Variants in GIGYF2 observed in about 807,000 individuals in gnomAD.
GIGYF2 encodes the protein GRB10 interacting GYF protein 2, also known as GRB10-interacting GYF protein 2.
GIGYF2 carries 25 observed loss-of-function variants against 208.1 expected under a neutral mutation model. That is an observed-to-expected ratio of 0.12 (90% CI 0.09 to 0.17). GIGYF2 has a LOEUF of 0.17. Among genes scored for constraint, GIGYF2 ranks in the 10% least tolerant of loss-of-function variants. The probability of loss-of-function intolerance (pLI) is 1.00; values close to 1 mark genes in which losing one functional copy is unlikely to be tolerated. For synonymous variants in GIGYF2, 534 were observed against 543.8 expected (o/e 0.98, Z 0.25); for missense variants, 1,302 against 1,579.4 (o/e 0.82, Z 2.98).
At chr2:232,811,386 G>A (rs368178278) in intron 17 of GIGYF2, 35 bp downstream of exon 17, 7 of 1,174,812 alleles carry the variant, frequency 6.0e-6, no homozygotes, top group Non-Finnish European at 2.6e-6. Context: ...CATATGGGGT[G>A]CATGTGTTGT....
chr2:232,726,653 G>T (rs1270669963), intron 2 of GIGYF2, among the ~76,000 whole-genome samples: 1 of 152,026 alleles, frequency 6.6e-6, no homozygotes, highest in African/African-American at 2.4e-5. Context: ...TAGCTTTTGA[G>T]GATTTGAGAT....
intron 21 of GIGYF2, among the ~76,000 whole-genome samples, chr2:232,831,087 A>T (rs1323269271): frequency 6.6e-6 from 1 of 152,186 alleles, no homozygotes; most frequent in East Asian, 1.9e-4. Flanking sequence ...CATCAAATCA[A>T]GGGGTACACG....
chr2:232,819,760 A>G (rs552471728), intron 20 of GIGYF2, 67 bp from the exon 21 acceptor site: 69 of 844,218 alleles, frequency 8.2e-5, no homozygotes, highest in Non-Finnish European at 1.4e-4. Context: ...TCCAAATATG[A>G]CATAATAAAT....
chr2:232,782,059 A>G (rs1206477512), intron 8 of GIGYF2, among the ~76,000 whole-genome samples: 1 of 152,208 alleles, frequency 6.6e-6, no homozygotes, highest in Non-Finnish European at 1.5e-5. Context: ...CCTGGGGATC[A>G]GGTGCTATGT....
chr2:232,728,289 G>C (rs183137092), intron 2 of GIGYF2, among the ~76,000 whole-genome samples: 3 of 152,322 alleles, frequency 2.0e-5, no homozygotes, highest in African/African-American at 7.2e-5. Flanking sequence ...TACATAGTAG[G>C]TTCGATTGGA....
At chr2:232,719,461 A>G (rs1167658464) in intron 2 of GIGYF2, among the ~76,000 whole-genome samples, 1 of 152,148 alleles carries the variant, frequency 6.6e-6, no homozygotes, top group East Asian at 1.9e-4. Context: ...ATGGTAGGCT[A>G]AGAGGGAGAG....
At chr2:232,748,901 A>C (rs1574834024) in intron 4 of GIGYF2, 86 bp from the exon 5 acceptor site, 2 of 774,652 alleles carry the variant, frequency 2.6e-6, no homozygotes, top group Admixed American at 1.7e-5. Flanking sequence ...TAAATAGAAG[A>C]GTATTCTTTC....
At chr2:232,720,735 C>T (rs1696906547) in intron 2 of GIGYF2, among the ~76,000 whole-genome samples, 1 of 152,110 alleles carries the variant, frequency 6.6e-6, no homozygotes, top group South Asian at 2.1e-4. Context: ...GCTGGGATTA[C>T]AGGCATGAAC....
At chr2:232,784,104 A>G (rs151188080) in intron 8 of GIGYF2, among the ~76,000 whole-genome samples, 2 of 152,202 alleles carry the variant, frequency 1.3e-5, no homozygotes, top group Admixed American at 6.5e-5. Context: ...AATTAAATGG[A>G]TAGGATTTTC....
chr2:232,726,140 C>T (rs913608513), intron 2 of GIGYF2, among the ~76,000 whole-genome samples: 5 of 152,118 alleles, frequency 3.3e-5, no homozygotes, highest in East Asian at 1.9e-4. Flanking sequence ...GAAGCCAAGG[C>T]GGGTGGATCA....
At chr2:232,836,263 CAT>C (rs1156576756) in intron 22 of GIGYF2, among the ~76,000 whole-genome samples, 1 of 38,626 alleles carries the variant, frequency 2.6e-5, no homozygotes, top group Non-Finnish European at 4.8e-5. Flanking sequence ...CCCATCTCTA[CAT>C]ATATATATAT....
intron 8 of GIGYF2, among the ~76,000 whole-genome samples, chr2:232,781,206 G>T (rs1699707198): frequency 6.6e-6 from 1 of 151,620 alleles, no homozygotes; most frequent in African/African-American, 2.4e-5. Flanking sequence ...TGATCTGCCC[G>T]CCTCGGCCTC....
intron 21 of GIGYF2, among the ~76,000 whole-genome samples, chr2:232,824,941 A>G (rs1486380962): frequency 6.6e-6 from 1 of 152,196 alleles, no homozygotes; most frequent in Non-Finnish European, 1.5e-5. Flanking sequence ...ATTATACTAA[A>G]TCTACTCTGC....
Position 232,843,732 on chromosome 2 carries a change from G to A in GIGYF2, c.2890-314G>A, listed in dbSNP as rs182412777. Among the ~76,000 whole-genome samples, 390 of 151,112 alleles carry A rather than the reference G, an allele frequency of 2.6e-3. 1 individual carries two copies. Among genetic ancestry groups the A allele is most frequent in the African/African-American group, 8.6e-3 (353 of 41,128 alleles). ...CTACTAAAAATACAAAAAATTAACC[G>A]GGCATTGTGGCTTGAACCTGGGAGG... On this transcript the variant is annotated intron_variant, in intron 23 of 28. Transcript: ENST00000373563.
rs532461430 is a variant in GIGYF2 at position 232,723,985 on chromosome 2, C to T, written c.-43-11170C>T. Among the ~76,000 whole-genome samples, 313 of 149,476 alleles carry T rather than the reference C, an allele frequency of 2.1e-3. 1 individual carries two copies. The highest frequency in any genetic ancestry group is 7.3e-3 in the African/African-American group (296 of 40,486). ...CCGACCTCAGGTGATACGCCTGCCT[C>T]GGCCTCCGAAAGTGCTGGGATTACG... On this transcript the variant is annotated intron_variant, in intron 2 of 28. Transcript: ENST00000373563.
At chr2:232,794,623 T>G in intron 12 of GIGYF2, 125 bp from the exon 13 acceptor site, 2 of 769,526 alleles carry the variant, frequency 2.6e-6, no homozygotes, top group Non-Finnish European at 4.7e-6. Context: ...GTAGCTTCAC[T>G]GTTCATGACA....
At chr2:232,736,879 T>A (rs1168125274) in intron 3 of GIGYF2, among the ~76,000 whole-genome samples, 1 of 152,194 alleles carries the variant, frequency 6.6e-6, no homozygotes, top group African/African-American at 2.4e-5. Context: ...TCCTGCTGTT[T>A]ATAGGTAACA....
At chr2:232,752,934 C>T (rs1035259994) in intron 5 of GIGYF2, among the ~76,000 whole-genome samples, 2 of 151,972 alleles carry the variant, frequency 1.3e-5, no homozygotes, top group African/African-American at 4.8e-5. Flanking sequence ...CAAACTCTGC[C>T]ACTTATTACT....
intron 13 of GIGYF2, 64 bp downstream of exon 13, chr2:232,795,008 A>G (rs978639612): frequency 1.4e-5 from 16 of 1,174,408 alleles, no homozygotes; most frequent in Middle Eastern, 2.6e-4. Context: ...CAGGCATTGC[A>G]TGAATATTCA....
Sources: gnomAD v4.1 joint callset for allele counts (sites outside exome capture counted in the v4.1 genomes callset) on GRCh38, gnomAD v4.1.1 for gene constraint, MANE v1.5 for transcripts, NCBI Gene and HGNC (gene_info 2026-07-23, HGNC 2026-07-21) for gene names.